The following PRKG1 variants were observed in gnomAD, a reference collection of about 807,000 sequenced individuals.
PRKG1 encodes the protein cGMP-dependent protein kinase 1.
PRKG1 carries 35 observed loss-of-function variants against 88.1 expected under a neutral mutation model. That is an observed-to-expected ratio of 0.40 (90% CI 0.30 to 0.53). The LOEUF is 0.53. PRKG1 is among the 20% of genes least tolerant of loss of function. PRKG1 has a pLI of 0.59. For missense variants in PRKG1, 540 were observed against 839.8 expected (o/e 0.64, Z 4.41); for synonymous variants, 303 against 292.5 (o/e 1.04, Z -0.37).
intron 5 of PRKG1, among the ~76,000 whole-genome samples, chr10:52,014,525 C>G (rs1170706658): frequency 6.6e-6 from 1 of 152,184 alleles, no homozygotes; most frequent in Non-Finnish European, 1.5e-5. Context: ...CAAACCATAT[C>G]ATTCTGCCCC....
chr10:50,999,782 G>A (rs1842869707), intron 1 of PRKG1, among the ~76,000 whole-genome samples: 1 of 152,166 alleles, frequency 6.6e-6, no homozygotes, highest in South Asian at 2.1e-4. Context: ...TGTATCACAT[G>A]GTCACCAAGG....
chr10:52,032,196 G>A (rs75857365), intron 5 of PRKG1, among the ~76,000 whole-genome samples: 18,934 of 152,126 alleles, frequency 0.12, 1,353 homozygotes, highest in Middle Eastern at 0.26. Context: ...TTGTGTCTGC[G>A]TAGTTTTTCT....
intron 5 of PRKG1, among the ~76,000 whole-genome samples, chr10:51,961,954 T>A (rs1300344999): frequency 6.6e-6 from 1 of 151,944 alleles, no homozygotes; most frequent in African/African-American, 2.4e-5. Flanking sequence ...ATTAAGTAAA[T>A]AAAAATGGAA....
chr10:51,624,999 G>C (rs1839299381), intron 3 of PRKG1, among the ~76,000 whole-genome samples: 1 of 152,160 alleles, frequency 6.6e-6, no homozygotes, highest in Non-Finnish European at 1.5e-5. Flanking sequence ...ATATGTAGCA[G>C]GGTGACTATA....
chr10:51,732,490 A>T (rs1358206172), intron 3 of PRKG1, among the ~76,000 whole-genome samples: 4 of 152,212 alleles, frequency 2.6e-5, no homozygotes, highest in African/African-American at 9.6e-5. Flanking sequence ...AAAAACAGAA[A>T]CATGGTCAGA....
chr10:51,133,655 G>A (rs1845623600), intron 1 of PRKG1, among the ~76,000 whole-genome samples: 1 of 152,084 alleles, frequency 6.6e-6, no homozygotes, highest in African/African-American at 2.4e-5. Flanking sequence ...TAAAACTGCA[G>A]CACAGCTAAT....
At chr10:51,320,701 A>G (rs564565932) in intron 2 of PRKG1, 2 of 152,372 alleles carry the variant, frequency 1.3e-5, no homozygotes, top group Admixed American at 1.3e-4. Context: ...TTCTCTCACC[A>G]ACATTTCTGT....
At chr10:52,189,775 A>G (rs1312637957) in intron 9 of PRKG1, among the ~76,000 whole-genome samples, 1 of 152,184 alleles carries the variant, frequency 6.6e-6, no homozygotes, top group Non-Finnish European at 1.5e-5. Context: ...TGAACCTACT[A>G]CATTTTAAAA....
rs1168074781 is a variant in PRKG1 at position 52,205,207 on chromosome 10, G to A, written c.1076+43244G>A. 4.6e-5 allele frequency among the ~76,000 whole-genome samples: 7 copies of A among 152,244 alleles called. No individual in the cohort carries two copies. In the East Asian group the frequency reaches 1.4e-3, roughly 29 times the overall value. ...ACGTGGAAGTTCATTAGTGATTCTAGTTTCTCCCTGACCTTCTGCCTTGTG... is the reference window on the plus strand; with the variant it reads ...ACGTGGAAGTTCATTAGTGATTCTAATTTCTCCCTGACCTTCTGCCTTGTG... On this transcript the variant is annotated intron_variant, in intron 9 of 17. Coordinates refer to ENST00000373980, the MANE Select transcript of PRKG1 (RefSeq NM_006258.4).
chr10:51,508,790 C>G lies in PRKG1; in HGVS notation c.592+40954C>G, dbSNP rs562996989. On this transcript the variant is annotated intron_variant, in intron 3 of 17. Coordinates refer to ENST00000373980, the MANE Select transcript of PRKG1 (RefSeq NM_006258.4). The stretch of plus-strand genomic sequence containing the variant: ...ATTCTTACAGATCTCTTTACCCAAA[C>G]TGACCAAATTAGAAGGCATTTAATC... Among the ~76,000 whole-genome samples, 5 of 152,268 alleles carry G rather than the reference C, an allele frequency of 3.3e-5. No homozygotes were observed. The East Asian group carries it at 9.7e-4, about 29-fold the overall frequency.
chr10:51,613,598 T>G (rs1374024202), intron 3 of PRKG1, among the ~76,000 whole-genome samples: 2 of 151,732 alleles, frequency 1.3e-5, no homozygotes, highest in East Asian at 1.9e-4. Flanking sequence ...TATTTGAAAT[T>G]TTTCTACTTT....
intron 2 of PRKG1, among the ~76,000 whole-genome samples, chr10:51,246,606 A>T (rs1372372860): frequency 1.2e-5 from 1 of 85,824 alleles, no homozygotes; most frequent in East Asian, 2.4e-4. Context: ...CAGCAACAGA[A>T]AAAAAAGAAA....
chr10:51,357,959 G>C (rs1480126059), intron 2 of PRKG1, among the ~76,000 whole-genome samples: 1 of 151,758 alleles, frequency 6.6e-6, no homozygotes, highest in Non-Finnish European at 1.5e-5. Flanking sequence ...GGGATTTCTA[G>C]ATTTTTTTTT....
intron 3 of PRKG1, among the ~76,000 whole-genome samples, chr10:51,669,499 T>C (rs1228885761): frequency 6.6e-6 from 1 of 152,232 alleles, no homozygotes; most frequent in Non-Finnish European, 1.5e-5. Context: ...ATTCAGCTCA[T>C]AGCACATAAT....
rs757397863 is a variant in PRKG1 at position 52,280,743 on chromosome 10, A to G, written c.1404-46A>G. On this transcript the variant is annotated intron_variant, in intron 12 of 17. Coordinates refer to ENST00000373980, the MANE Select transcript of PRKG1 (RefSeq NM_006258.4). The stretch of plus-strand genomic sequence containing the variant: ...GAAAAAAAAAATAAAGCCATATTAC[A>G]GAAATTAATTTTTTATACAATTTTC... The G allele has an allele frequency of 5.1e-6, 8 of 1,581,602 alleles. No homozygotes were observed. In the South Asian group the frequency reaches 9.3e-5, roughly 18 times the overall value.
intron 3 of PRKG1, among the ~76,000 whole-genome samples, chr10:51,595,676 A>G (rs1378333244): frequency 2.0e-5 from 3 of 151,742 alleles, no homozygotes; most frequent in East Asian, 1.9e-4. Flanking sequence ...GCTTTTTTCC[A>G]TAATGAATCT....
chr10:51,584,465 G>A (rs1482475785), intron 3 of PRKG1, among the ~76,000 whole-genome samples: 1 of 151,942 alleles, frequency 6.6e-6, no homozygotes, highest in Admixed American at 6.6e-5. Flanking sequence ...TAAATGATAG[G>A]AAAATTCTCA....
At chr10:51,246,436 T>C (rs10996310) in intron 2 of PRKG1, among the ~76,000 whole-genome samples, 15,416 of 151,990 alleles carry the variant, frequency 0.1, 1,022 homozygotes, top group African/African-American at 0.18. Context: ...TGAAGTTTTA[T>C]TGGAACACAG....
chr10:51,975,373 C>T (rs1161037751), intron 5 of PRKG1, among the ~76,000 whole-genome samples: 1 of 151,744 alleles, frequency 6.6e-6, no homozygotes. Flanking sequence ...ACCTCACAAG[C>T]AATTAAAGAC....
Sources: gnomAD v4.1 joint callset for allele counts (sites outside exome capture counted in the v4.1 genomes callset) on GRCh38, gnomAD v4.1.1 for gene constraint, MANE v1.5 for transcripts, NCBI Gene and HGNC (gene_info 2026-07-23, HGNC 2026-07-21) for gene names.